AIMP2: variants seen among roughly 807,000 people sequenced by gnomAD.
The protein encoded by AIMP2 is aminoacyl tRNA synthase complex-interacting multifunctional protein 2.
A neutral mutation model predicts 23.4 loss-of-function variants in AIMP2; 20 were observed. The ratio of observed to expected loss-of-function variants is 0.85; its 90% confidence interval spans 0.60 to 1.24. The LOEUF is 1.24. Ranked by LOEUF, AIMP2 falls within the 50% of genes most tolerant of loss-of-function variation. The pLI is 0.00. For missense variants in AIMP2, 515 were observed against 414.5 expected, an observed-to-expected ratio of 1.24 and a Z score of -2.10; for synonymous variants, 210 against 170.4, an observed-to-expected ratio of 1.23 and a Z score of -1.81.
intron 3 of AIMP2, among the ~76,000 whole-genome samples, chr7:6,019,592 G>A (rs1426492686): frequency 1.3e-5 from 2 of 151,826 alleles, no homozygotes; most frequent in African/African-American, 4.8e-5. Flanking sequence ...AGTGTCTCTT[G>A]TGATACTGAA....
intron 3 of AIMP2, among the ~76,000 whole-genome samples, chr7:6,021,956 TACCTCCTCC>T (rs1787456962): frequency 1.3e-5 from 2 of 152,192 alleles, no homozygotes; most frequent in South Asian, 4.1e-4. Flanking sequence ...CCTCCCTTTC[TACCTCCTCC>T]ACCTCTTCCA....
intron 3 of AIMP2, 129 bp from the exon 4 acceptor site, chr7:6,023,174 T>G (rs1787557420): frequency 2.7e-6 from 3 of 1,105,068 alleles, no homozygotes; most frequent in African/African-American, 1.6e-5. Context: ...AAATGTGATG[T>G]TCTTCTTGAA....
Position 6,015,158 on chromosome 7 carries a change from C to T in AIMP2, c.148C>T (p.Leu50=), listed in dbSNP as rs1786940467. 6.2e-7 allele frequency: 1 copy of T among 1,614,076 alleles called. No individual in the cohort carries two copies. Among genetic ancestry groups the T allele is most frequent in the Non-Finnish European group, 8.5e-7 (1 of 1,179,996 alleles). ...GAGHVQEESN[L]SLQALESRQD... The stretch of plus-strand genomic sequence containing the variant: ...TTGGTTTGTTTAGGAAGAGTCTAAC[C>T]TGTCTCTGCAAGCTCTTGAGTCCCG... Residue 50 remains leucine (L), a synonymous_variant, in exon 2 of 4, where the codon CTG becomes TTG. Transcript: ENST00000223029.
chr7:6,020,778 G>C (rs1480741337), intron 3 of AIMP2, among the ~76,000 whole-genome samples: 1 of 152,120 alleles, frequency 6.6e-6, no homozygotes, highest in African/African-American at 2.4e-5. Context: ...GCATGGGAGG[G>C]AACCACAAAG....
chr7:6,009,431 G>C lies in AIMP2; in HGVS notation c.68G>C (p.Cys23Ser). The C allele has an allele frequency of 6.2e-7, 1 of 1,611,224 alleles. No individual in the cohort carries two copies. Among genetic ancestry groups the C allele is most frequent in the Non-Finnish European group, 8.5e-7 (1 of 1,179,898 alleles). Residue 23 changes from cysteine (C) to serine (S), a missense_variant, in exon 1 of 4, where the codon TGC becomes TCC. Coordinates refer to ENST00000223029, the MANE Select transcript of AIMP2 (RefSeq NM_006303.4). The stretch of plus-strand genomic sequence containing the variant: ...CCTCTCCGTGTGGAGCTTCCCACCT[G>C]CATGTACCGGCTCCCCAACGTGCAC... ...GAPLRVELPT[C>S]MYRLPNVHGR... is the part of the protein sequence containing the mutation.
At chr7:6,023,165 A>G in intron 3 of AIMP2, 138 bp from the exon 4 acceptor site, 1 of 1,024,404 alleles carries the variant, frequency 9.8e-7, no homozygotes. Context: ...ACAGACTGAA[A>G]ATGTGATGTT....
intron 1 of AIMP2, among the ~76,000 whole-genome samples, chr7:6,010,170 T>C (rs1029236635): frequency 1.3e-4 from 19 of 151,050 alleles, no homozygotes; most frequent in Non-Finnish European, 2.8e-4. Flanking sequence ...GTCCATATTT[T>C]TTCTTTTTTT....
intron 1 of AIMP2, among the ~76,000 whole-genome samples, chr7:6,009,977 AT>A (rs1203380749): frequency 8.9e-5 from 9 of 101,064 alleles, no homozygotes; most frequent in South Asian, 3.7e-4. Flanking sequence ...AAAAAAAAAT[AT>A]ATATATATAT....
At chr7:6,017,374 T>A (rs1179898348) in intron 2 of AIMP2, among the ~76,000 whole-genome samples, 1 of 151,056 alleles carries the variant, frequency 6.6e-6, no homozygotes, top group East Asian at 1.9e-4. Context: ...AAAAAAAAAA[T>A]TAGCTGGGCA....
intron 1 of AIMP2, among the ~76,000 whole-genome samples, chr7:6,009,974 A>AAAAAAAAAAT: frequency 3.7e-5 from 1 of 26,674 alleles, no homozygotes; most frequent in African/African-American, 1.4e-4. Flanking sequence ...AAAAAAAAAA[A>AAAAAAAAAAT]ATATATATAT....
intron 1 of AIMP2, among the ~76,000 whole-genome samples, chr7:6,011,404 C>T (rs919566810): frequency 1.3e-5 from 2 of 152,176 alleles, no homozygotes; most frequent in African/African-American, 2.4e-5. Context: ...AGGACCTTTT[C>T]ATATTCACTG....
Position 6,009,404 on chromosome 7 carries a change from C to T in AIMP2, c.41C>T (p.Ala14Val), listed in dbSNP as rs1786349640. Reference sequence around the variant, plus strand: ...GTAAAGCCCTATCACGGGGGCGGCGCGCCTCTCCGTGTGGAGCTTCCCACC... The same window carrying T: ...GTAAAGCCCTATCACGGGGGCGGCGTGCCTCTCCGTGTGGAGCTTCCCACC... ...YQVKPYHGGG[A>V]PLRVELPTCM... Residue 14 changes from alanine (A) to valine (V), a missense_variant, in exon 1 of 4, where the codon GCG becomes GTG. Coordinates refer to ENST00000223029, the MANE Select transcript of AIMP2 (RefSeq NM_006303.4). 3 of 1,611,506 alleles carry T rather than the reference C, an allele frequency of 1.9e-6. No individual in the cohort carries two copies. The highest frequency in any genetic ancestry group is 1.7e-5 in the Admixed American group (1 of 59,992).
chr7:6,014,958 G>T, intron 1 of AIMP2, 188 bp from the exon 2 acceptor site: 1 of 1,315,212 alleles, frequency 7.6e-7, no homozygotes, highest in East Asian at 2.9e-5. Flanking sequence ...GACGTCAGAT[G>T]ATCTGCCTAC....
intron 3 of AIMP2, 157 bp from the exon 4 acceptor site, chr7:6,023,146 A>G (rs926511915): frequency 3.6e-6 from 3 of 843,518 alleles, no homozygotes; most frequent in African/African-American, 1.7e-5. Flanking sequence ...AGTAGTAAGC[A>G]TCTTAGAGAC....
intron 3 of AIMP2, chr7:6,022,402 A>G (rs927468700): frequency 6.6e-6 from 1 of 152,058 alleles, no homozygotes; most frequent in Non-Finnish European, 1.5e-5. Flanking sequence ...TTTTATGTGG[A>G]TTTTCGACTG....
At chr7:6,023,186 A>T in intron 3 of AIMP2, 117 bp from the exon 4 acceptor site, 5 of 1,237,966 alleles carry the variant, frequency 4.0e-6, no homozygotes, top group Non-Finnish European at 5.5e-6. Flanking sequence ...CTTCTTGAAA[A>T]CACCCTTTCC....
At chr7:6,011,860 C>G (rs1318889230) in intron 1 of AIMP2, among the ~76,000 whole-genome samples, 1 of 152,176 alleles carries the variant, frequency 6.6e-6, no homozygotes. Flanking sequence ...AGTCTGCTGC[C>G]TAACTTCTTT....
chr7:6,018,803 C>T (rs2128879991), intron 3 of AIMP2, among the ~76,000 whole-genome samples: 1 of 151,878 alleles, frequency 6.6e-6, no homozygotes, highest in East Asian at 2.0e-4. Flanking sequence ...CATTGTATTC[C>T]AGCCTGGGCG....
At chr7:6,014,912 G>C in intron 1 of AIMP2, 1 of 711,760 alleles carries the variant, frequency 1.4e-6, no homozygotes, top group Non-Finnish European at 2.0e-6. Context: ...TAGAGACGGG[G>C]TTTCACCATG....
Sources: allele counts gnomAD v4.1 joint callset (sites outside exome capture counted in the v4.1 genomes callset), GRCh38; gene constraint gnomAD v4.1.1; transcripts MANE v1.5; gene names NCBI Gene and HGNC (gene_info 2026-07-23, HGNC 2026-07-21).